The following TTC7B variants were observed in gnomAD, a reference collection of about 807,000 sequenced individuals.
TTC7B encodes the protein tetratricopeptide repeat domain 7B, also known as tetratricopeptide repeat protein 7B.
A neutral mutation model predicts 106.8 loss-of-function variants in TTC7B; 28 were observed. The ratio of observed to expected loss-of-function variants is 0.26; its 90% CI spans 0.19 to 0.36. TTC7B has a LOEUF of 0.36. Among genes scored for constraint, TTC7B ranks in the 10% least tolerant of loss-of-function variants. The pLI is 1.00. For missense variants in TTC7B, 862 were observed against 1,076.4 expected (o/e 0.80, Z 2.79); for synonymous variants, 405 against 430.6 (o/e 0.94, Z 0.74).
intron 18 of TTC7B, among the ~76,000 whole-genome samples, chr14:90,588,084 C>T (rs767469060): frequency 5.9e-5 from 9 of 152,174 alleles, no homozygotes; most frequent in African/African-American, 1.2e-4. Context: ...CTCTCACAGG[C>T]GCTCCCTGTA....
In TTC7B at chr14:90,570,721, A is replaced by T. The variant is rs1293780064; in HGVS notation, c.2310+7385T>A. Among the ~76,000 whole-genome samples the T allele has an allele frequency of 6.6e-6, 1 of 152,246 alleles. No homozygotes were observed. Among genetic ancestry groups the T allele is most frequent in the Non-Finnish European group, 1.5e-5 (1 of 68,026 alleles). On this transcript the variant is annotated intron_variant, in intron 19 of 19. Transcript: ENST00000328459. The surrounding 1 kb of genome is among the most constrained non-coding windows in gnomAD (Gnocchi z 4.0). Reference sequence around the variant, plus strand: ...ACAGACGCAAAGGATCTCCCAGCCCAGGCGCGACCTGGATTACAGAGAATG... The same window carrying T: ...ACAGACGCAAAGGATCTCCCAGCCCTGGCGCGACCTGGATTACAGAGAATG...
chr14:90,593,436 G>A (rs754372731), intron 18 of TTC7B, 50 bp downstream of exon 18: 33 of 1,511,916 alleles, frequency 2.2e-5, no homozygotes, highest in Middle Eastern at 1.8e-4. Flanking sequence ...TGGGTGGGGC[G>A]GAGCCCAGGC....
Position 90,816,323 on chromosome 14 carries a change from CCCCG to C in TTC7B, c.-32_-29del. The C allele has an allele frequency of 9.9e-7, 1 of 1,012,884 alleles. No individual in the cohort carries two copies. The highest frequency in any genetic ancestry group is 1.2e-6 in the Non-Finnish European group (1 of 841,032). The allele number at this position is 1,012,884 out of a possible 1,614,324, so 62.7% of individuals were successfully genotyped here. On this transcript the variant is annotated 5_prime_UTR_variant, in exon 1 of 20. Transcript: ENST00000328459. Reference sequence around the variant, plus strand: ...CGGCCTGGCCGGGCCCGGCCGCCCGCCCCGCAGGCCCCACCGCCGCCGCCGCGGC... The same window carrying C: ...CGGCCTGGCCGGGCCCGGCCGCCCGCCAGGCCCCACCGCCGCCGCCGCGGC...
At chr14:90,769,680 G>A (rs1457287301) in intron 3 of TTC7B, among the ~76,000 whole-genome samples, 2 of 150,294 alleles carry the variant, frequency 1.3e-5, no homozygotes, top group African/African-American at 4.9e-5. Context: ...GAGGCAAGAG[G>A]ATCACTTGAA....
chr14:90,734,328 G>A (rs1460062007), intron 4 of TTC7B, among the ~76,000 whole-genome samples: 1 of 151,408 alleles, frequency 6.6e-6, no homozygotes, highest in African/African-American at 2.4e-5. Context: ...GCTGAGGCAT[G>A]AGAATTGCTT....
chr14:90,763,564 A>C (rs1359882614), intron 3 of TTC7B, among the ~76,000 whole-genome samples: 1 of 152,174 alleles, frequency 6.6e-6, no homozygotes, highest in Non-Finnish European at 1.5e-5. Flanking sequence ...GAAAATGTAA[A>C]ATTATCTTTA....
chr14:90,699,279 CA>C (rs1887890467), intron 5 of TTC7B: 1 of 447,754 alleles, frequency 2.2e-6, no homozygotes, highest in Non-Finnish European at 4.5e-6. Flanking sequence ...GCTCCAAAAT[CA>C]AAATGGAAAA....
chr14:90,738,941 C>T (rs576932270), intron 4 of TTC7B, among the ~76,000 whole-genome samples: 1 of 152,282 alleles, frequency 6.6e-6, no homozygotes, highest in Admixed American at 6.5e-5. Context: ...AAGAGGATCG[C>T]TTCGGCCTGC....
At chr14:90,735,274 G>A (rs1410780659) in intron 4 of TTC7B, among the ~76,000 whole-genome samples, 3 of 152,228 alleles carry the variant, frequency 2.0e-5, no homozygotes, top group African/African-American at 7.2e-5. Context: ...GAGAGGCCAA[G>A]AAAGGTGGAA....
At chr14:90,599,834 A>C (rs1370591473) in intron 17 of TTC7B, among the ~76,000 whole-genome samples, 2 of 152,172 alleles carry the variant, frequency 1.3e-5, no homozygotes, top group Non-Finnish European at 2.9e-5. Context: ...ACGAAAAAGC[A>C]GCAGTTCCAT....
chr14:90,699,810 C>T (rs1352608091), intron 5 of TTC7B, among the ~76,000 whole-genome samples: 2 of 152,172 alleles, frequency 1.3e-5, no homozygotes, highest in African/African-American at 4.8e-5. Flanking sequence ...CCAGGTTGGT[C>T]CCTGAGGACA....
chr14:90,544,095 G>A (rs1390379075), intron 19 of TTC7B, among the ~76,000 whole-genome samples: 1 of 152,198 alleles, frequency 6.6e-6, no homozygotes, highest in Admixed American at 6.5e-5. Flanking sequence ...AGAGTGGAAG[G>A]TGGAGGAAGG....
At chr14:90,774,943 T>C (rs1303962351) in intron 3 of TTC7B, among the ~76,000 whole-genome samples, 2 of 151,856 alleles carry the variant, frequency 1.3e-5, no homozygotes, top group Non-Finnish European at 2.9e-5. Context: ...CTTGGGAGGC[T>C]GAGGCAGGAG....
chr14:90,785,092 C>T (rs555863679), intron 2 of TTC7B, among the ~76,000 whole-genome samples: 41 of 152,272 alleles, frequency 2.7e-4, no homozygotes, highest in African/African-American at 7.5e-4. Flanking sequence ...TCCAAGCTCA[C>T]CCCTTTAAGA....
At chr14:90,545,742 G>GGGTATGGGACA (rs1173272900) in intron 19 of TTC7B, among the ~76,000 whole-genome samples, 1 of 152,228 alleles carries the variant, frequency 6.6e-6, no homozygotes, top group African/African-American at 2.4e-5. Context: ...GGGGGCTGCA[G>GGGTATGGGACA]GGTATGGGAC....
chr14:90,794,388 G>A (rs546530033), intron 1 of TTC7B, among the ~76,000 whole-genome samples: 11 of 150,734 alleles, frequency 7.3e-5, no homozygotes, highest in East Asian at 5.9e-4. Flanking sequence ...CACCACACCC[G>A]GCTAATTTTT....
intron 3 of TTC7B, among the ~76,000 whole-genome samples, chr14:90,752,671 T>C (rs1890172110): frequency 2.6e-5 from 4 of 152,208 alleles, no homozygotes; most frequent in Admixed American, 2.6e-4. Flanking sequence ...CAGGCACTAT[T>C]TCTAATTCCC....
At chr14:90,689,916 C>T (rs1474310226) in intron 6 of TTC7B, among the ~76,000 whole-genome samples, 1 of 152,118 alleles carries the variant, frequency 6.6e-6, no homozygotes, top group Non-Finnish European at 1.5e-5. Context: ...GATGTTTGAA[C>T]ACTTAAAAGG....
chr14:90,786,491 C>G (rs1595372530), intron 1 of TTC7B, among the ~76,000 whole-genome samples, 163 bp from the exon 2 acceptor site: 1 of 152,184 alleles, frequency 6.6e-6, no homozygotes, highest in East Asian at 1.9e-4. Context: ...GGCACCACCT[C>G]ATAGTGAATT....
Sources: allele counts gnomAD v4.1 joint callset (sites outside exome capture counted in the v4.1 genomes callset), GRCh38; gene constraint gnomAD v4.1.1; non-coding constraint Gnocchi (gnomAD v3.1); transcripts MANE v1.5; gene names NCBI Gene and HGNC (gene_info 2026-07-23, HGNC 2026-07-21).